FAT4: variants seen among roughly 807,000 people sequenced by gnomAD.
FAT4 encodes protocadherin Fat 4.
In FAT4, 84 loss-of-function variants were observed where a neutral mutation model predicts 303.9. The observed-to-expected ratio is 0.28, with a 90% CI of 0.23 to 0.33. The LOEUF (loss-of-function observed/expected upper bound fraction) is 0.33, where lower values mean the gene tolerates loss of function less well. Ranked by LOEUF, FAT4 falls within the 10% of genes least tolerant of loss-of-function variation. FAT4 has a pLI of 1.00. For missense variants in FAT4, 6,005 were observed against 6,146.8 expected, an observed-to-expected ratio of 0.98 and a Z score of 0.77; for synonymous variants, 2,307 against 2,298.8, an observed-to-expected ratio of 1.00 and a Z score of -0.10.
rs948178960 is a variant in FAT4, at chr4:125,355,947, C to A, written c.5175+34361C>A. 2.6e-5 allele frequency among the ~76,000 whole-genome samples: 4 copies of A among 151,992 alleles called. 1 individual carries two copies. The highest frequency in any genetic ancestry group is 1.5e-5 in the Non-Finnish European group (1 of 67,976). ...CAGTTGCACCCCTTGATTGACATAG[C>A]AATATCCTATAAGTAGCAGCCCTGC... On this transcript the variant is annotated intron_variant, in intron 2 of 17. Transcript: ENST00000394329.
intron 7 of FAT4, among the ~76,000 whole-genome samples, chr4:125,421,446 A>T (rs558034174): frequency 6.6e-6 from 1 of 152,320 alleles, no homozygotes; most frequent in Non-Finnish European, 1.5e-5. Flanking sequence ...ATTCCAACAG[A>T]TATATACTTA....
intron 2 of FAT4, among the ~76,000 whole-genome samples, chr4:125,359,410 T>C (rs1732563937): frequency 6.6e-6 from 1 of 152,198 alleles, no homozygotes; most frequent in Non-Finnish European, 1.5e-5. Context: ...TACCTCCAAA[T>C]ATATTGAGTT....
intron 7 of FAT4, among the ~76,000 whole-genome samples, chr4:125,433,357 T>A (rs1485844324): frequency 6.6e-6 from 1 of 152,194 alleles, no homozygotes; most frequent in Non-Finnish European, 1.5e-5. Flanking sequence ...TTATTTTATT[T>A]TACATAAATG....
chr4:125,423,282 G>GAAGTCCTGGATGGACTTCCCATCAT (rs146371083), intron 7 of FAT4, among the ~76,000 whole-genome samples: 4,859 of 152,204 alleles, frequency 0.032, 93 homozygotes, highest in East Asian at 0.069. Context: ...CCCATCACAG[G>GAAGTCCTGGATGGACTTCCCATCAT]CCTGGAAGTC....
At chr4:125,427,045 A>C (rs1725108752) in intron 7 of FAT4, among the ~76,000 whole-genome samples, 1 of 151,960 alleles carries the variant, frequency 6.6e-6, no homozygotes, top group African/African-American at 2.4e-5. Flanking sequence ...GTTGAGTTTA[A>C]AATTAGGTGG....
At position 125,316,595 on chromosome 4, in the gene FAT4, G is replaced by A; in HGVS notation, c.184G>A (p.Gly62Ser). The A allele has an allele frequency of 6.2e-7, 1 of 1,614,046 alleles. No homozygotes were observed. Among genetic ancestry groups the A allele is most frequent in the Non-Finnish European group, 8.5e-7 (1 of 1,180,040 alleles). The stretch of plus-strand genomic sequence containing the variant: ...AGAGCAACCTCCAGGCACTCTGGTA[G>A]GCACCATCCAGACGCGCCCCGGCTT... ...LEEQPPGTLV[G>S]TIQTRPGFTY... The change falls in exon 2 of 18, where the codon GGC becomes AGC. Residue 62 changes from glycine (G) to serine (S), a missense_variant. Transcript: ENST00000394329. The surrounding 1 kb of genome is among the most constrained non-coding windows in gnomAD (Gnocchi z 5.7).
chr4:125,376,477 A>G (rs373482425), intron 2 of FAT4, among the ~76,000 whole-genome samples: 1 of 152,192 alleles, frequency 6.6e-6, no homozygotes, highest in Non-Finnish European at 1.5e-5. Flanking sequence ...GAGGAATAGC[A>G]TTAGGAGAAA....
In FAT4 at chr4:125,318,381, T is replaced by C. The variant is rs766138566; in HGVS notation, c.1970T>C (p.Leu657Pro). 3.1e-6 allele frequency: 5 copies of C among 1,614,202 alleles called. No individual in the cohort carries two copies. The South Asian group carries it at 4.4e-5, about 14-fold the overall frequency. Reference protein sequence around the residue: ...LDREEQAFYSLLVLATDLGSP... With the variant: ...LDREEQAFYSPLVLATDLGSP... ...AGAGAAGAGCAAGCCTTCTACTCCC[T>C]GTTGGTTCTGGCCACAGATCTGGGC... Residue 657 changes from leucine to proline, a missense_variant, in exon 2 of 18, where the codon CTG becomes CCG. Physicochemically the swap from Leu to Pro is moderately conservative, Grantham distance 98 (BLOSUM62 -3). Coordinates refer to ENST00000394329, the MANE Select transcript of FAT4 (RefSeq NM_001291303.3).
chr4:125,463,247 AT>A (rs1185266053), intron 10 of FAT4, among the ~76,000 whole-genome samples: 2 of 152,044 alleles, frequency 1.3e-5, no homozygotes, highest in East Asian at 3.8e-4. Context: ...ATGAAGGGAC[AT>A]TGACACAGAA....
At chr4:125,380,049 A>G (rs936150873) in intron 2 of FAT4, among the ~76,000 whole-genome samples, 1 of 151,930 alleles carries the variant, frequency 6.6e-6, no homozygotes, top group Non-Finnish European at 1.5e-5. Context: ...ATATGCCACC[A>G]CATCCGGCTA....
At position 125,316,721 on chromosome 4, in the gene FAT4, G is replaced by T. The variant is rs775027033; in HGVS notation, c.310G>T (p.Asp104Tyr). 5.6e-6 allele frequency: 9 copies of T among 1,613,752 alleles called. No individual in the cohort carries two copies. Among genetic ancestry groups the T allele is most frequent in the East Asian group, 2.2e-5 (1 of 44,878 alleles). ...CATCGACCGCGAGAGCCTGCCCAGC[G>T]ACGTGATCAACCTGGTGGTCCTTTC... is the stretch of plus-strand genomic sequence containing the variant. ...STIDRESLPS[D>Y]VINLVVLSSA... is the part of the protein sequence containing the mutation. The change falls in exon 2 of 18, where the codon GAC (aspartate) becomes TAC (tyrosine). Residue 104 changes from aspartate to tyrosine, a missense_variant. Transcript: ENST00000394329. The surrounding 1 kb of genome is among the most constrained non-coding windows in gnomAD (Gnocchi z 5.7).
chr4:125,461,367 T>C (rs1236267529), intron 10 of FAT4, among the ~76,000 whole-genome samples: 4 of 152,012 alleles, frequency 2.6e-5, no homozygotes, highest in Non-Finnish European at 4.4e-5. Flanking sequence ...GAACAATGAC[T>C]TGGGATTTAT....
At chr4:125,445,312 G>A (rs955117429) in intron 8 of FAT4, among the ~76,000 whole-genome samples, 2 of 152,078 alleles carry the variant, frequency 1.3e-5, no homozygotes, top group African/African-American at 4.8e-5. Flanking sequence ...ATAGGAGAAT[G>A]AACATACTAC....
chr4:125,358,748 G>A (rs941958944), intron 2 of FAT4, among the ~76,000 whole-genome samples: 15 of 152,086 alleles, frequency 9.9e-5, no homozygotes, highest in African/African-American at 3.6e-4. Context: ...ATCAGGTAAT[G>A]GTCTGTGGCC....
intron 2 of FAT4, among the ~76,000 whole-genome samples, chr4:125,388,802 T>A (rs1168931830): frequency 2.0e-5 from 3 of 152,114 alleles, no homozygotes; most frequent in Non-Finnish European, 4.4e-5. Context: ...ATTTAGTGAG[T>A]TATGGAAAGC....
At chr4:125,383,504 C>T (rs369003476) in intron 2 of FAT4, among the ~76,000 whole-genome samples, 6 of 151,706 alleles carry the variant, frequency 4.0e-5, no homozygotes, top group South Asian at 2.1e-4. Context: ...CCTCAGTAAT[C>T]GCTGATCATA....
At chr4:125,440,608 TGTGAGAGAGAGAGA>T (rs1274722256) in intron 8 of FAT4, among the ~76,000 whole-genome samples, 14 of 57,326 alleles carry the variant, frequency 2.4e-4, no homozygotes, top group Admixed American at 6.9e-4. Flanking sequence ...TGTGTGTGTG[TGTGAGAGAGAGAGA>T]GAGAGAGAGA....
intron 10 of FAT4, among the ~76,000 whole-genome samples, chr4:125,453,441 G>T (rs1280720906): frequency 6.6e-6 from 1 of 152,154 alleles, no homozygotes; most frequent in African/African-American, 2.4e-5. Context: ...AGGCAAGGTG[G>T]CTCATGCCTG....
intron 2 of FAT4, among the ~76,000 whole-genome samples, chr4:125,342,714 A>G (rs57837368): frequency 1.4e-5 from 2 of 139,474 alleles, no homozygotes; most frequent in Admixed American, 1.4e-4. Flanking sequence ...TTTGAATTTT[A>G]TTTTTTTATT....
Sources: gnomAD v4.1 joint callset for allele counts (sites outside exome capture counted in the v4.1 genomes callset) on GRCh38, gnomAD v4.1.1 for gene constraint, Gnocchi (gnomAD v3.1) non-coding constraint, MANE v1.5 for transcripts, NCBI Gene and HGNC (gene_info 2026-07-23, HGNC 2026-07-21) for gene names.